DGKH: variants seen among roughly 807,000 people sequenced by gnomAD.
DGKH encodes diacylglycerol kinase eta, also known as DAG kinase eta.
Under a neutral mutation model 159.3 loss-of-function variants are expected in DGKH, and 90 were observed. That is an observed-to-expected ratio of 0.57 (90% confidence interval 0.48 to 0.67). The LOEUF (loss-of-function observed/expected upper bound fraction) is 0.67, where lower values mean the gene tolerates loss of function less well. DGKH is among the 30% of genes least tolerant of loss of function. The probability of loss-of-function intolerance (pLI) is 0.00; values close to 1 mark genes in which losing one functional copy is unlikely to be tolerated. For synonymous variants in DGKH, 536 were observed against 553.8 expected (o/e 0.97, Z 0.45); for missense variants, 1,181 against 1,506.1 (o/e 0.78, Z 3.57).
chr13:42,049,147 G>T (rs1186136178), intron 1 of DGKH, among the ~76,000 whole-genome samples, 182 bp downstream of exon 1: 1 of 140,158 alleles, frequency 7.1e-6, no homozygotes, highest in African/African-American at 2.7e-5. Context: ...ATGGTGAGAC[G>T]GTGAGGCGGG....
At chr13:42,096,445 A>G (rs1363750632) in intron 1 of DGKH, among the ~76,000 whole-genome samples, 1 of 152,176 alleles carries the variant, frequency 6.6e-6, no homozygotes, top group Non-Finnish European at 1.5e-5. Flanking sequence ...GCTGCATAGT[A>G]TTCCGTGGTG....
chr13:42,049,042 CG>C, intron 1 of DGKH, 77 bp downstream of exon 1: 1 of 953,554 alleles, frequency 1.0e-6, no homozygotes, highest in Non-Finnish European at 1.2e-6. Context: ...TGGAACGCGC[CG>C]GGCGATCCCG....
At chr13:42,168,591 A>G (rs779631198) in intron 10 of DGKH, 43 bp downstream of exon 10, 6 of 1,612,942 alleles carry the variant, frequency 3.7e-6, no homozygotes, top group African/African-American at 2.7e-5. Context: ...ATGAATGCAT[A>G]CTAACATACT....
rs79712409 is a variant in DGKH at position 42,058,927 on chromosome 13, GA to G, written c.192+9963del. On this transcript the variant is annotated intron_variant, in intron 1 of 29. Coordinates refer to ENST00000337343, the MANE Select transcript of DGKH (RefSeq NM_178009.5). ...CATTAGCCACATTGGATTTTGACATGAGGGGGAAATAGAGCTTTATTGTGTT... is the reference window on the plus strand; with the variant it reads ...CATTAGCCACATTGGATTTTGACATGGGGGGAAATAGAGCTTTATTGTGTT... Among the ~76,000 whole-genome samples the G allele has an allele frequency of 3.5e-4, 53 of 152,300 alleles. No homozygotes were observed. The East Asian group carries it at 9.5e-3, about 27-fold the overall frequency.
chr13:42,146,588 A>T (rs1955740466), intron 3 of DGKH, among the ~76,000 whole-genome samples: 1 of 152,250 alleles, frequency 6.6e-6, no homozygotes, highest in Non-Finnish European at 1.5e-5. Context: ...CATTAAAAAG[A>T]TGAATGAGTT....
At chr13:42,105,369 T>C (rs1028859440) in intron 1 of DGKH, among the ~76,000 whole-genome samples, 2 of 152,202 alleles carry the variant, frequency 1.3e-5, no homozygotes, top group African/African-American at 4.8e-5. Flanking sequence ...AGAGCCCCTG[T>C]GACCCAGACA....
chr13:42,173,900 A>G lies in DGKH; in HGVS notation c.1368-160A>G, dbSNP rs369223406. Among the ~76,000 whole-genome samples, 11 of 151,982 alleles carry G rather than the reference A, an allele frequency of 7.2e-5. No individual in the cohort carries two copies. In the East Asian group the frequency reaches 1.7e-3, roughly 24 times the overall value. ...TTACTGAAATGTGATCTCTTTTCCC[A>G]TTTTTGGTTGTTTTAAGATAAAATA... On this transcript the variant is annotated intron_variant, in intron 11 of 29. Transcript: ENST00000337343.
intron 1 of DGKH, among the ~76,000 whole-genome samples, chr13:42,110,084 A>G (rs1954833250): frequency 6.6e-6 from 1 of 152,214 alleles, no homozygotes; most frequent in African/African-American, 2.4e-5. Flanking sequence ...AGAGAATTTC[A>G]GAGGCAGATT....
chr13:42,064,470 G>A (rs1404766342), intron 1 of DGKH, among the ~76,000 whole-genome samples: 1 of 152,132 alleles, frequency 6.6e-6, no homozygotes, highest in African/African-American at 2.4e-5. Context: ...CACTGTTGCG[G>A]TTTGTCTGTG....
downstream of DGKH, among the ~76,000 whole-genome samples, chr13:42,245,338 G>A (rs762613761): frequency 1.2e-3 from 186 of 152,266 alleles, no homozygotes; most frequent in Non-Finnish European, 1.1e-3. Context: ...CCCAATGCAC[G>A]GAATAGTGGT....
At chr13:42,219,385 G>GA (rs758240174) in intron 27 of DGKH, 36 bp downstream of exon 27, 2 of 1,609,372 alleles carry the variant, frequency 1.2e-6, no homozygotes. Context: ...TAGAAATGTA[G>GA]ACCATATTGC....
intron 21 of DGKH, among the ~76,000 whole-genome samples, chr13:42,207,693 G>GTATATATATATATATATATATATATATA (rs368253963): frequency 7.9e-6 from 1 of 126,534 alleles, no homozygotes; most frequent in Non-Finnish European, 1.7e-5. Context: ...TTATTAAAGT[G>GTATATATATATATATATATATATATATA]TGTATATATA....
chr13:42,215,720 C>A, intron 26 of DGKH, 53 bp downstream of exon 26: 1 of 1,479,888 alleles, frequency 6.8e-7, no homozygotes, highest in South Asian at 1.2e-5. Context: ...ATGTCTGGGT[C>A]TTACCTTCAT....
downstream of DGKH, among the ~76,000 whole-genome samples, chr13:42,246,714 A>C (rs895716865): frequency 1.3e-5 from 2 of 152,120 alleles, no homozygotes; most frequent in Admixed American, 6.6e-5. Flanking sequence ...TGCTCTCCAC[A>C]TAGCTTCTCT....
intron 1 of DGKH, among the ~76,000 whole-genome samples, chr13:42,040,312 G>GCCAGC (rs1259085579): frequency 1.4e-4 from 22 of 152,158 alleles, no homozygotes; most frequent in Non-Finnish European, 2.9e-4. Flanking sequence ...CAGCGCGGTG[G>GCCAGC]CCAGCCTAGC....
chr13:42,142,705 A>G (rs2137894075), intron 3 of DGKH, among the ~76,000 whole-genome samples: 1 of 152,012 alleles, frequency 6.6e-6, no homozygotes, highest in East Asian at 1.9e-4. Context: ...TTTGTCTGTT[A>G]TTGGTGTATA....
intron 11 of DGKH, among the ~76,000 whole-genome samples, chr13:42,173,663 A>T (rs571833521): frequency 9.7e-4 from 147 of 152,316 alleles, no homozygotes; most frequent in African/African-American, 3.3e-3. Context: ...GTAATTTATA[A>T]CCTAGTTAGT....
Position 42,094,124 on chromosome 13 carries a change from G to T in DGKH, c.193-33339G>T, listed in dbSNP as rs140892683. On this transcript the variant is annotated intron_variant, in intron 1 of 29. Transcript: ENST00000337343. ...CACACACTGGGGCCTGTTGTGGGTT[G>T]GGGGGAGGGGGGAGGGATAGCATTA... Among the ~76,000 whole-genome samples, 1,085 of 131,108 alleles carry T rather than the reference G, an allele frequency of 8.3e-3. 6 individuals carry two copies. Among genetic ancestry groups the T allele is most frequent in the Non-Finnish European group, 0.012 (755 of 62,446 alleles). The allele number at this position is 131,108 out of a possible 152,430, so 86.0% of individuals were successfully genotyped here. A position where few individuals can be genotyped will look rare whatever the true frequency, so the allele number is the denominator to read the frequency against.
At chr13:42,248,039 T>G (rs1958594380) in intron 29 of DGKH, among the ~76,000 whole-genome samples, 1 of 152,168 alleles carries the variant, frequency 6.6e-6, no homozygotes, top group Non-Finnish European at 1.5e-5. Context: ...TCTACAGTAG[T>G]GCAAAGTAAT....
Sources: allele counts gnomAD v4.1 joint callset (sites outside exome capture counted in the v4.1 genomes callset), GRCh38; gene constraint gnomAD v4.1.1; transcripts MANE v1.5; gene names NCBI Gene and HGNC (gene_info 2026-07-23, HGNC 2026-07-21).